The following RBFOX3 variants were observed in gnomAD, a reference collection of about 807,000 sequenced individuals.
The protein encoded by RBFOX3 is RNA binding fox-1 homolog 3.
A neutral mutation model predicts 48.7 loss-of-function variants in RBFOX3; 17 were observed. The observed-to-expected ratio is 0.35, with a 90% CI of 0.24 to 0.52. RBFOX3 has a LOEUF of 0.52. Ranked by LOEUF, RBFOX3 falls within the 20% of genes least tolerant of loss-of-function variation. The probability of loss-of-function intolerance (pLI) is 0.94; values close to 1 mark genes in which losing one functional copy is unlikely to be tolerated. For missense variants in RBFOX3, 382 were observed against 497.5 expected, an observed-to-expected ratio of 0.77 and a Z score of 2.21; for synonymous variants, 212 against 209.5, an observed-to-expected ratio of 1.01 and a Z score of -0.10.
chr17:79,272,804 C>T (rs2085454294), intron 3 of RBFOX3, among the ~76,000 whole-genome samples: 1 of 152,110 alleles, frequency 6.6e-6, no homozygotes, highest in Admixed American at 6.5e-5. Context: ...GAAGCTGGGG[C>T]TTGAATCCTG....
chr17:79,314,147 CTT>C (rs891322566), intron 2 of RBFOX3, among the ~76,000 whole-genome samples: 4 of 152,176 alleles, frequency 2.6e-5, no homozygotes, highest in African/African-American at 9.7e-5. Flanking sequence ...ATGGGTCACT[CTT>C]GTTGTTTTTT....
chr17:79,270,799 C>T (rs143146395), intron 3 of RBFOX3, among the ~76,000 whole-genome samples: 1 of 152,380 alleles, frequency 6.6e-6, no homozygotes, highest in East Asian at 1.9e-4. Flanking sequence ...GGACAACAGG[C>T]TTTGCCCACT....
chr17:79,123,767 C>A (rs558598749), intron 4 of RBFOX3, among the ~76,000 whole-genome samples: 2 of 152,250 alleles, frequency 1.3e-5, no homozygotes, highest in Admixed American at 1.3e-4. Flanking sequence ...GGCAGGCAGG[C>A]GGCAGGCAGT....
chr17:79,632,463 GCCAGGACC>G, the RBFOX3 span, among the ~76,000 whole-genome samples: 1 of 152,096 alleles, frequency 6.6e-6, no homozygotes, highest in African/African-American at 2.4e-5. Context: ...CAGTTGTGGT[GCCAGGACC>G]CCATGTCTGG....
intron 1 of RBFOX3, among the ~76,000 whole-genome samples, chr17:79,586,882 G>A (rs1418451314): frequency 2.6e-5 from 4 of 152,282 alleles, no homozygotes; most frequent in South Asian, 2.1e-4. Flanking sequence ...AACTGCTGTC[G>A]ATATTCCTTT....
chr17:79,169,208 G>A (rs981931883), intron 4 of RBFOX3, among the ~76,000 whole-genome samples: 1 of 152,218 alleles, frequency 6.6e-6, no homozygotes, highest in Non-Finnish European at 1.5e-5. Context: ...CATGCAGGGG[G>A]GTGCCCACCT....
At position 79,101,603 on chromosome 17, in the gene RBFOX3, C is replaced by T. The variant is rs369398194; in HGVS notation, c.549G>A (p.Thr183=). 3.3e-5 allele frequency: 51 copies of T among 1,551,250 alleles called. No individual in the cohort carries two copies. The highest frequency in any genetic ancestry group is 2.4e-4 in the Admixed American group (12 of 51,000). ...CCTTACCGTTGGTGTAGGGGTTCCC[C>T]GTCTTCTTGTTGGTCATCACTCGGG... ...ATARVMTNKK[T]GNPYTNGWKL... The change falls in exon 9 of 15, where the codon ACG becomes ACA. Residue 183 remains threonine (T), a synonymous_variant. Transcript: ENST00000693108.
chr17:79,103,158 G>A lies in RBFOX3; in HGVS notation c.507+4C>T. 6.5e-7 allele frequency: 1 copy of A among 1,549,194 alleles called. No homozygotes were observed. The highest frequency in any genetic ancestry group is 8.7e-7 in the Non-Finnish European group (1 of 1,145,044). ...TCCCTGCCGCAGCACACTTATCTGA[G>A]CACCTCAATTTTCCGTCCCTCTACG... On this transcript the variant is annotated splice_donor_region_variant and intron_variant, in intron 8 of 14. Coordinates refer to ENST00000693108, the MANE Select transcript of RBFOX3 (RefSeq NM_001350451.2). This position sits in a 1 kb window ranked among gnomAD's most constrained non-coding sequence, Gnocchi z 6.1.
At chr17:79,352,690 C>T (rs967191627) in intron 2 of RBFOX3, among the ~76,000 whole-genome samples, 1 of 152,204 alleles carries the variant, frequency 6.6e-6, no homozygotes, top group East Asian at 1.9e-4. Context: ...GGTTCCCTTA[C>T]ATCCACAGTG....
chr17:79,197,463 ACCGCAACCTCTGCCTCC>A (rs2055870073), intron 4 of RBFOX3, among the ~76,000 whole-genome samples: 1 of 141,106 alleles, frequency 7.1e-6, no homozygotes, highest in Non-Finnish European at 1.5e-5. Flanking sequence ...ATCTCGGCTC[ACCGCAACCTCTGCCTCC>A]CAGGTTCGAG....
At chr17:79,276,881 GGA>G (rs1466278877) in intron 3 of RBFOX3, among the ~76,000 whole-genome samples, 1 of 152,170 alleles carries the variant, frequency 6.6e-6, no homozygotes, top group Non-Finnish European at 1.5e-5. Flanking sequence ...TCTGAGGCAG[GGA>G]GAGTTTACTT....
rs1308914677 is a variant in RBFOX3 at position 79,254,771 on chromosome 17, C to T, written c.-73-18966G>A. 6.6e-6 allele frequency among the ~76,000 whole-genome samples: 1 copy of T among 152,164 alleles called. No individual in the cohort carries two copies. Among genetic ancestry groups the T allele is most frequent in the Non-Finnish European group, 1.5e-5 (1 of 68,034 alleles). ...TGGACAGTATCCAGGTGGACAGGTGCCTTATCTTGGCTGGGCATGAGAGGG... is the reference window on the plus strand; with the variant it reads ...TGGACAGTATCCAGGTGGACAGGTGTCTTATCTTGGCTGGGCATGAGAGGG... On this transcript the variant is annotated intron_variant, in intron 3 of 14. Transcript: ENST00000693108. The surrounding 1 kb of genome is among the most constrained non-coding windows in gnomAD (Gnocchi z 4.8).
intron 2 of RBFOX3, among the ~76,000 whole-genome samples, chr17:79,318,550 T>C (rs1382768842): frequency 6.6e-6 from 1 of 152,100 alleles, no homozygotes; most frequent in Non-Finnish European, 1.5e-5. Flanking sequence ...TACTAAGAGT[T>C]GGATGTTGAA....
At chr17:79,144,650 G>T (rs55893478) in intron 4 of RBFOX3, among the ~76,000 whole-genome samples, 33,965 of 152,070 alleles carry the variant, frequency 0.22, 3,969 homozygotes, top group Middle Eastern at 0.29. Flanking sequence ...TCCCGGCCCT[G>T]GGACCACGGT....
chr17:79,091,055 T>G (rs2073792268), intron 14 of RBFOX3, among the ~76,000 whole-genome samples, 170 bp from the exon 15 acceptor site: 1 of 152,146 alleles, frequency 6.6e-6, no homozygotes, highest in South Asian at 2.1e-4. Context: ...TGTGGGTGGA[T>G]CCCAGGATGG....
rs1259803909 is a variant in RBFOX3, at chr17:79,249,056, C to A, written c.-73-13251G>T. On this transcript the variant is annotated intron_variant, in intron 3 of 14. Transcript: ENST00000693108. This position sits in a 1 kb window ranked among gnomAD's most constrained non-coding sequence, Gnocchi z 4.1. ...CCGCCAGCGGGGCCAGAACCCAGAGCGAGGCTGCCTCCCCTGGGTCGGCAA... is the reference window on the plus strand; with the variant it reads ...CCGCCAGCGGGGCCAGAACCCAGAGAGAGGCTGCCTCCCCTGGGTCGGCAA... Among the ~76,000 whole-genome samples, 1 of 152,142 alleles carries A rather than the reference C, an allele frequency of 6.6e-6. No homozygotes were observed. Among genetic ancestry groups the A allele is most frequent in the Admixed American group, 6.6e-5 (1 of 15,266 alleles).
intron 4 of RBFOX3, among the ~76,000 whole-genome samples, chr17:79,131,105 T>C (rs1294502966): frequency 6.6e-6 from 1 of 151,454 alleles, no homozygotes; most frequent in Non-Finnish European, 1.5e-5. Context: ...GCCCCGTGTG[T>C]GCACATGTGC....
intron 1 of RBFOX3, among the ~76,000 whole-genome samples, chr17:79,562,153 T>G (rs2092261434): frequency 6.6e-6 from 1 of 152,212 alleles, no homozygotes; most frequent in African/African-American, 2.4e-5. Context: ...AAACAAAGCC[T>G]TGTAGAATGG....
At chr17:79,393,257 G>A (rs1057267781) in intron 2 of RBFOX3, among the ~76,000 whole-genome samples, 17 of 152,238 alleles carry the variant, frequency 1.1e-4, no homozygotes, top group African/African-American at 3.9e-4. Flanking sequence ...CAGCACAGGG[G>A]GAAAGGGAGG....
Sources: allele counts gnomAD v4.1 joint callset (sites outside exome capture counted in the v4.1 genomes callset), GRCh38; gene constraint gnomAD v4.1.1; non-coding constraint Gnocchi (gnomAD v3.1); transcripts MANE v1.5; gene names NCBI Gene and HGNC (gene_info 2026-07-23, HGNC 2026-07-21).